FAM171A1: variants seen among roughly 807,000 people sequenced by gnomAD.
FAM171A1 encodes protein FAM171A1.
A neutral mutation model predicts 74.9 loss-of-function variants in FAM171A1; 23 were observed. The observed-to-expected ratio is 0.31, with a 90% CI of 0.22 to 0.44. The LOEUF (loss-of-function observed/expected upper bound fraction) is 0.44. Among genes scored for constraint, FAM171A1 ranks in the 20% least tolerant of loss-of-function variants. The probability of loss-of-function intolerance (pLI) is 1.00; values close to 1 mark genes in which losing one functional copy is unlikely to be tolerated. For missense variants in FAM171A1, 1,162 were observed against 1,159.2 expected (o/e 1.00, Z -0.03); for synonymous variants, 527 against 505.7 (o/e 1.04, Z -0.57).
At chr10:15,232,639 G>A (rs1380331637) in intron 5 of FAM171A1, among the ~76,000 whole-genome samples, 1 of 152,094 alleles carries the variant, frequency 6.6e-6, no homozygotes, top group South Asian at 2.1e-4. Context: ...ATCCCCAAAC[G>A]AACTGTATGG....
chr10:15,299,460 T>A (rs74123181), intron 1 of FAM171A1, among the ~76,000 whole-genome samples: 2,262 of 151,816 alleles, frequency 0.015, 57 homozygotes, highest in African/African-American at 0.052. Context: ...TCTTTATCTA[T>A]AGATATGCAT....
intron 1 of FAM171A1, among the ~76,000 whole-genome samples, chr10:15,349,495 C>A (rs977219073): frequency 2.6e-5 from 4 of 152,156 alleles, no homozygotes; most frequent in Non-Finnish European, 4.4e-5. Context: ...TTAAAGGAAC[C>A]TCCAAGTCAT....
chr10:15,222,482 T>A (rs1834051247), intron 5 of FAM171A1, among the ~76,000 whole-genome samples: 1 of 152,110 alleles, frequency 6.6e-6, no homozygotes, highest in Non-Finnish European at 1.5e-5. Context: ...TATCTAAACA[T>A]AGAAAAGGTA....
intron 1 of FAM171A1, among the ~76,000 whole-genome samples, chr10:15,306,808 T>A (rs1011248791): frequency 4.6e-5 from 7 of 152,126 alleles, no homozygotes; most frequent in Non-Finnish European, 2.9e-5. Context: ...GAAGCAGCAG[T>A]TCCATCCAGA....
intron 5 of FAM171A1, among the ~76,000 whole-genome samples, chr10:15,233,432 A>G (rs1242190963): frequency 6.6e-6 from 1 of 152,154 alleles, no homozygotes; most frequent in African/African-American, 2.4e-5. Context: ...AGATACAAAT[A>G]CGTGTACATG....
intron 1 of FAM171A1, among the ~76,000 whole-genome samples, chr10:15,359,220 T>C (rs1474583212): frequency 6.6e-6 from 1 of 152,196 alleles, no homozygotes; most frequent in African/African-American, 2.4e-5. Flanking sequence ...CAAATCAATA[T>C]TGACAATTCC....
intron 1 of FAM171A1, among the ~76,000 whole-genome samples, chr10:15,325,715 C>G (rs1835547420): frequency 6.6e-6 from 1 of 152,090 alleles, no homozygotes; most frequent in African/African-American, 2.4e-5. Context: ...TTTGTCTTAT[C>G]TCCATGTTAC....
intron 4 of FAM171A1, among the ~76,000 whole-genome samples, chr10:15,250,921 A>G (rs189954571): frequency 2.4e-4 from 37 of 152,310 alleles, no homozygotes; most frequent in African/African-American, 7.0e-4. Flanking sequence ...TACTTGGTAG[A>G]TAGAGGAGAA....
chr10:15,357,446 G>A (rs1243450743), intron 1 of FAM171A1, among the ~76,000 whole-genome samples: 1 of 152,202 alleles, frequency 6.6e-6, no homozygotes, highest in Non-Finnish European at 1.5e-5. Context: ...AATCAGAACA[G>A]TGGTTGCCCT....
At chr10:15,363,173 G>A (rs548515911) in intron 1 of FAM171A1, among the ~76,000 whole-genome samples, 1 of 152,288 alleles carries the variant, frequency 6.6e-6, no homozygotes, top group Admixed American at 6.5e-5. Context: ...GGAGACAGTG[G>A]GAAAGGCATT....
chr10:15,241,930 A>C (rs1420858891), intron 5 of FAM171A1, among the ~76,000 whole-genome samples: 1 of 152,224 alleles, frequency 6.6e-6, no homozygotes, highest in Non-Finnish European at 1.5e-5. Flanking sequence ...AAATGTAAAA[A>C]TGATTCTTAG....
At chr10:15,356,729 G>A (rs1454834258) in intron 1 of FAM171A1, among the ~76,000 whole-genome samples, 1 of 152,152 alleles carries the variant, frequency 6.6e-6, no homozygotes, top group African/African-American at 2.4e-5. Context: ...CCAGCACTCT[G>A]GGGGGCCGAG....
chr10:15,331,462 G>A (rs1835630112), intron 1 of FAM171A1, among the ~76,000 whole-genome samples: 1 of 152,056 alleles, frequency 6.6e-6, no homozygotes, highest in South Asian at 2.1e-4. Context: ...GAACACAGAT[G>A]GGCACAGCAG....
In FAM171A1 at chr10:15,360,351, T is replaced by C. The variant is rs77389433; in HGVS notation, c.97+10605A>G. Among the ~76,000 whole-genome samples, 1,212 of 152,298 alleles carry C rather than the reference T, an allele frequency of 8.0e-3. 14 individuals are homozygous for C. Among genetic ancestry groups the C allele is most frequent in the African/African-American group, 0.028 (1,162 of 41,566 alleles). On this transcript the variant is annotated intron_variant, in intron 1 of 7. Coordinates refer to ENST00000378116, the MANE Select transcript of FAM171A1 (RefSeq NM_001010924.2). ...AGACAATAATGGGTGGCTAAATTGC[T>C]CCATTTGTGGCAGTTCGTTAAGGTA...
chr10:15,291,173 G>A (rs1474454651), intron 1 of FAM171A1, among the ~76,000 whole-genome samples: 1 of 152,114 alleles, frequency 6.6e-6, no homozygotes. Flanking sequence ...AGAGGGTCTG[G>A]GGTGGCCCAT....
At chr10:15,314,975 T>C (rs2131841634) in intron 1 of FAM171A1, among the ~76,000 whole-genome samples, 1 of 152,338 alleles carries the variant, frequency 6.6e-6, no homozygotes, top group South Asian at 2.1e-4. Flanking sequence ...CCTTTCCTCA[T>C]ATCAGAATGG....
At chr10:15,225,423 T>C (rs1434567142) in intron 5 of FAM171A1, among the ~76,000 whole-genome samples, 1 of 152,202 alleles carries the variant, frequency 6.6e-6, no homozygotes, top group Non-Finnish European at 1.5e-5. Flanking sequence ...GTGACACTCT[T>C]TGGGGATTCA....
intron 1 of FAM171A1, among the ~76,000 whole-genome samples, chr10:15,359,263 A>G (rs912323751): frequency 1.3e-5 from 2 of 152,166 alleles, no homozygotes; most frequent in Non-Finnish European, 2.9e-5. Flanking sequence ...ATCTAAACAA[A>G]CTTCACTCCT....
chr10:15,273,070 A>T (rs924970887), intron 3 of FAM171A1, among the ~76,000 whole-genome samples: 2 of 152,104 alleles, frequency 1.3e-5, no homozygotes, highest in African/African-American at 4.8e-5. Flanking sequence ...ATAGAGACAC[A>T]AAAAACCCTT....
Sources: allele counts gnomAD v4.1 joint callset (sites outside exome capture counted in the v4.1 genomes callset), GRCh38; gene constraint gnomAD v4.1.1; transcripts MANE v1.5; gene names NCBI Gene and HGNC (gene_info 2026-07-23, HGNC 2026-07-21).